The following SYTL5 variants were observed in gnomAD, a reference collection of about 807,000 sequenced individuals.
The protein encoded by SYTL5 is synaptotagmin like 5.
In SYTL5, 34 loss-of-function variants were observed where a neutral mutation model predicts 55.9. The observed-to-expected ratio is 0.61, with a 90% CI of 0.46 to 0.81. The LOEUF is 0.81. SYTL5 is among the 30% of genes least tolerant of loss of function. The probability of loss-of-function intolerance (pLI) is 0.00; values close to 1 mark genes in which losing one functional copy is unlikely to be tolerated. For synonymous variants in SYTL5, 221 were observed against 188.7 expected, an observed-to-expected ratio of 1.17 and a Z score of -1.40; for missense variants, 637 against 546.7, an observed-to-expected ratio of 1.17 and a Z score of -1.65.
the SYTL5 span, among the ~76,000 whole-genome samples, chrX:37,902,823 C>T: frequency 2.7e-5 from 3 of 111,678 alleles, no homozygotes; most frequent in Non-Finnish European, 5.6e-5. Flanking sequence ...CTGGAGTTAT[C>T]AGGAAAGAGA....
At chrX:37,904,648 G>T in the SYTL5 span, among the ~76,000 whole-genome samples, 1 of 111,283 alleles carries the variant, frequency 9.0e-6, no homozygotes, top group South Asian at 3.9e-4. Flanking sequence ...ATTGAAATGA[G>T]TAACTTATAT....
At chrX:38,090,396 A>G (rs1276037373) in intron 7 of SYTL5, among the ~76,000 whole-genome samples, 1 of 112,240 alleles carries the variant, frequency 8.9e-6, no homozygotes, top group Non-Finnish European at 1.9e-5. Flanking sequence ...GTGATCAATT[A>G]TATTTTCTAC....
the SYTL5 span, among the ~76,000 whole-genome samples, chrX:37,963,008 C>T: frequency 8.9e-6 from 1 of 111,945 alleles, no homozygotes; most frequent in Non-Finnish European, 1.9e-5. Context: ...ACAATATTCA[C>T]TCCTTCAATC....
At chrX:38,066,014 C>T (rs954756388) in intron 3 of SYTL5, among the ~76,000 whole-genome samples, 4 of 110,621 alleles carry the variant, frequency 3.6e-5, no homozygotes, top group Admixed American at 9.6e-5. Flanking sequence ...GCGGGAGAAT[C>T]GCTTGAACCT....
the SYTL5 span, among the ~76,000 whole-genome samples, chrX:37,894,875 T>C: frequency 9.0e-6 from 1 of 111,041 alleles, no homozygotes; most frequent in Non-Finnish European, 1.9e-5. Flanking sequence ...CTCCTGCTTG[T>C]GTCTGCATCA....
At chrX:37,941,497 G>T in the SYTL5 span, among the ~76,000 whole-genome samples, 1 of 95,985 alleles carries the variant, frequency 1.0e-5, no homozygotes, top group African/African-American at 3.6e-5. Context: ...CATGCAAAAG[G>T]CTGCTTGCTG....
At chrX:37,899,479 G>T in the SYTL5 span, among the ~76,000 whole-genome samples, 1 of 112,052 alleles carries the variant, frequency 8.9e-6, no homozygotes, top group Non-Finnish European at 1.9e-5. Context: ...TAAGTGCTTT[G>T]TTCCAATCTG....
At chrX:38,100,793 A>G (rs900108567) in intron 9 of SYTL5, among the ~76,000 whole-genome samples, 1 of 110,877 alleles carries the variant, frequency 9.0e-6, no homozygotes, top group Non-Finnish European at 1.9e-5. Flanking sequence ...TGACTTGACA[A>G]TTCCTCTCAC....
At chrX:37,916,606 G>T in the SYTL5 span, among the ~76,000 whole-genome samples, 7 of 112,310 alleles carry the variant, frequency 6.2e-5, no homozygotes, top group Non-Finnish European at 3.8e-5. Flanking sequence ...TGTTTAGATA[G>T]TGCTACTTGT....
chrX:37,984,275 C>T, the SYTL5 span, among the ~76,000 whole-genome samples: 2 of 111,204 alleles, frequency 1.8e-5, no homozygotes, highest in Admixed American at 1.9e-4. Context: ...ATTCATATTG[C>T]TGGAATCAGT....
the SYTL5 span, among the ~76,000 whole-genome samples, chrX:37,995,632 A>C: frequency 8.9e-6 from 1 of 111,866 alleles, no homozygotes; most frequent in Non-Finnish European, 1.9e-5. Context: ...CAGCTGATCA[A>C]ATCATGGTGA....
chrX:37,958,844 T>A, the SYTL5 span, among the ~76,000 whole-genome samples: 1 of 112,440 alleles, frequency 8.9e-6, no homozygotes, highest in African/African-American at 3.2e-5. Flanking sequence ...AAAAAATAAG[T>A]AGCTGGTCTT....
At chrX:38,068,100 T>C (rs1431437936) in intron 3 of SYTL5, among the ~76,000 whole-genome samples, 2 of 111,561 alleles carry the variant, frequency 1.8e-5, no homozygotes, top group Non-Finnish European at 3.8e-5. Context: ...AATAATCCCA[T>C]TTAAAAGTGG....
intron 7 of SYTL5, among the ~76,000 whole-genome samples, chrX:38,090,548 T>C (rs748164491): frequency 1.5e-3 from 163 of 112,338 alleles, no homozygotes; most frequent in African/African-American, 5.1e-3. Context: ...TCCATCCACA[T>C]TGCTGGCATC....
At chrX:38,061,280 C>T (rs1935934293) in intron 3 of SYTL5, among the ~76,000 whole-genome samples, 1 of 110,617 alleles carries the variant, frequency 9.0e-6, no homozygotes, top group East Asian at 2.8e-4. Context: ...ATTACTTCTC[C>T]AACATTGCAA....
the SYTL5 span, among the ~76,000 whole-genome samples, chrX:37,889,887 G>T: frequency 2.7e-5 from 3 of 111,589 alleles, no homozygotes; most frequent in African/African-American, 9.8e-5. Context: ...CTTCATTTAG[G>T]TTTTATTCCC....
At chrX:38,037,153 C>T (rs1935131449) in intron 2 of SYTL5, among the ~76,000 whole-genome samples, 1 of 111,923 alleles carries the variant, frequency 8.9e-6, no homozygotes, top group African/African-American at 3.3e-5. Context: ...AACTGGGTAG[C>T]CCAAAGCCAA....
At chrX:37,940,586 T>A in the SYTL5 span, among the ~76,000 whole-genome samples, 2 of 85,412 alleles carry the variant, frequency 2.3e-5, no homozygotes, top group African/African-American at 7.8e-5. Context: ...GTATTTTCAG[T>A]TAGGGATAGG....
chrX:37,927,539 G>T, the SYTL5 span, among the ~76,000 whole-genome samples: 1 of 110,534 alleles, frequency 9.0e-6, no homozygotes, highest in African/African-American at 3.3e-5. Context: ...ACTTTGGGAG[G>T]TCGAGGCGGG....
Sources: gnomAD v4.1 joint callset for allele counts (sites outside exome capture counted in the v4.1 genomes callset) on GRCh38, gnomAD v4.1.1 for gene constraint, MANE v1.5 for transcripts, NCBI Gene and HGNC (gene_info 2026-07-23, HGNC 2026-07-21) for gene names.